Variants in GALNT13 observed in about 807,000 individuals in gnomAD.
The protein encoded by GALNT13 is UDP-GalNAc:polypeptide N-acetylgalactosaminyltransferase 13.
A neutral mutation model predicts 64.2 loss-of-function variants in GALNT13; 28 were observed. The ratio of observed to expected loss-of-function variants is 0.44; its 90% CI spans 0.32 to 0.60. The LOEUF (loss-of-function observed/expected upper bound fraction) is 0.60, where lower values mean the gene tolerates loss of function less well. Among genes scored for constraint, GALNT13 ranks in the 20% least tolerant of loss-of-function variants. The pLI, the probability that GALNT13 is intolerant of heterozygous loss-of-function variation, is 0.05. For missense variants in GALNT13, 577 were observed against 669.8 expected (o/e 0.86, Z 1.53); for synonymous variants, 214 against 224.6 (o/e 0.95, Z 0.42).
At chr2:154,287,079 C>T (rs1221474522) in intron 8 of GALNT13, 3 of 816,360 alleles carry the variant, frequency 3.7e-6, no homozygotes, top group Non-Finnish European at 4.2e-6. Flanking sequence ...CTCATCCACC[C>T]ACCTTTGGGC....
At chr2:153,270,208 T>A in the GALNT13 span, among the ~76,000 whole-genome samples, 1 of 152,166 alleles carries the variant, frequency 6.6e-6, no homozygotes, top group East Asian at 1.9e-4. Context: ...CAAATAAATG[T>A]TCCAACATGC....
chr2:153,989,331 C>A (rs1045429313), intron 3 of GALNT13, among the ~76,000 whole-genome samples: 1 of 151,714 alleles, frequency 6.6e-6, no homozygotes, highest in African/African-American at 2.4e-5. Flanking sequence ...CTTGAAAAGG[C>A]CACATCCTTT....
chr2:153,504,702 G>A, the GALNT13 span, among the ~76,000 whole-genome samples: 1 of 152,166 alleles, frequency 6.6e-6, no homozygotes, highest in Non-Finnish European at 1.5e-5. Context: ...ATTTGCAGAT[G>A]TTAAACCATT....
At chr2:153,416,989 TA>T in the GALNT13 span, among the ~76,000 whole-genome samples, 161 of 152,070 alleles carry the variant, frequency 1.1e-3, no homozygotes, top group African/African-American at 3.7e-3. Context: ...TGGAGACAAA[TA>T]AAGTGGAGGA....
the GALNT13 span, among the ~76,000 whole-genome samples, chr2:153,518,239 T>C: frequency 6.6e-6 from 1 of 152,156 alleles, no homozygotes. Context: ...GTTTTTCTCA[T>C]AGTTCTTTCT....
At chr2:153,193,736 T>G in the GALNT13 span, among the ~76,000 whole-genome samples, 2 of 152,222 alleles carry the variant, frequency 1.3e-5, no homozygotes, top group Non-Finnish European at 2.9e-5. Flanking sequence ...AGATACTGTC[T>G]TTTGCTTCCA....
intron 9 of GALNT13, among the ~76,000 whole-genome samples, chr2:154,321,691 A>G (rs1046077888): frequency 1.3e-5 from 2 of 152,122 alleles, no homozygotes; most frequent in Admixed American, 1.3e-4. Flanking sequence ...TCTGAGACAC[A>G]CTAAAGACTT....
the GALNT13 span, among the ~76,000 whole-genome samples, chr2:153,788,761 C>T: frequency 2.0e-5 from 3 of 151,822 alleles, no homozygotes; most frequent in East Asian, 3.9e-4. Context: ...GGAAATCTGC[C>T]GAGGAAATGG....
the GALNT13 span, among the ~76,000 whole-genome samples, chr2:153,790,965 A>G: frequency 6.6e-6 from 1 of 152,214 alleles, no homozygotes; most frequent in Non-Finnish European, 1.5e-5. Flanking sequence ...ACACAAACAA[A>G]TGGAAAGATT....
the GALNT13 span, among the ~76,000 whole-genome samples, chr2:153,835,231 C>T: frequency 4.2e-3 from 637 of 151,906 alleles, 3 homozygotes; most frequent in Middle Eastern, 0.021. Context: ...AACATTATAG[C>T]GTATATCTGG....
intron 7 of GALNT13, 80 bp downstream of exon 7, chr2:154,246,062 T>A: frequency 1.1e-6 from 1 of 889,120 alleles, no homozygotes; most frequent in Non-Finnish European, 1.7e-6. Context: ...TTCTAATGTT[T>A]AATTATTTAA....
intron 3 of GALNT13, among the ~76,000 whole-genome samples, chr2:153,982,673 G>A (rs1317727108): frequency 6.6e-6 from 1 of 151,970 alleles, no homozygotes; most frequent in Admixed American, 6.6e-5. Flanking sequence ...CCTTTAACAA[G>A]CACCGTGATG....
chr2:153,232,919 T>A, the GALNT13 span, among the ~76,000 whole-genome samples: 928 of 152,278 alleles, frequency 6.1e-3, 9 homozygotes, highest in African/African-American at 0.021. Context: ...CCATCCATTA[T>A]GTCTCTTTGA....
chr2:153,665,281 A>G, the GALNT13 span, among the ~76,000 whole-genome samples: 153 of 152,348 alleles, frequency 1.0e-3, no homozygotes, highest in Admixed American at 1.6e-3. Flanking sequence ...AAAGATGCAG[A>G]CCTTTTAGAA....
chr2:153,257,218 GGTGCC>G, the GALNT13 span, among the ~76,000 whole-genome samples: 10 of 152,270 alleles, frequency 6.6e-5, no homozygotes, highest in South Asian at 8.3e-4. Flanking sequence ...TGATTTTCCA[GGTGCC>G]GTCTGTCACC....
the GALNT13 span, among the ~76,000 whole-genome samples, chr2:153,504,594 CG>C: frequency 1.3e-5 from 2 of 152,070 alleles, no homozygotes; most frequent in Non-Finnish European, 1.5e-5. Flanking sequence ...TAATCATAAA[CG>C]GATGCTGGAT....
the GALNT13 span, among the ~76,000 whole-genome samples, chr2:153,599,653 A>G: frequency 4.7e-3 from 719 of 152,056 alleles, 4 homozygotes; most frequent in African/African-American, 0.016. Context: ...TTTTGAGACG[A>G]TAAAGAGCAA....
intron 9 of GALNT13, among the ~76,000 whole-genome samples, chr2:154,368,226 C>CT (rs1301252370): frequency 4.6e-5 from 7 of 152,116 alleles, no homozygotes; most frequent in African/African-American, 1.7e-4. Flanking sequence ...TCAGAAATTA[C>CT]TTTTTCATAG....
At chr2:153,163,856 A>G in the GALNT13 span, among the ~76,000 whole-genome samples, 4 of 151,872 alleles carry the variant, frequency 2.6e-5, no homozygotes, top group African/African-American at 4.8e-5. Flanking sequence ...CATCTCTACT[A>G]AAAATACAAA....
Sources: gnomAD v4.1 joint callset for allele counts (sites outside exome capture counted in the v4.1 genomes callset) on GRCh38, gnomAD v4.1.1 for gene constraint, MANE v1.5 for transcripts, NCBI Gene and HGNC (gene_info 2026-07-23, HGNC 2026-07-21) for gene names.